The following XPR1 variants were observed in gnomAD, a reference collection of about 807,000 sequenced individuals.
XPR1 encodes solute carrier family 53 member 1.
XPR1 carries 28 observed loss-of-function variants against 87.5 expected under a neutral mutation model. That is an observed-to-expected ratio of 0.32 (90% confidence interval 0.24 to 0.44). The LOEUF is 0.44. XPR1 is among the 20% of genes least tolerant of loss of function. The pLI, the probability that XPR1 is intolerant of heterozygous loss-of-function variation, is 1.00. For missense variants in XPR1, 559 were observed against 862.3 expected (o/e 0.65, Z 4.41); for synonymous variants, 300 against 306.1 (o/e 0.98, Z 0.21).
chr1:180,778,735 C>T (rs904516581), intron 2 of XPR1, among the ~76,000 whole-genome samples: 2 of 152,154 alleles, frequency 1.3e-5, no homozygotes, highest in African/African-American at 4.8e-5. Flanking sequence ...TCAGTTTGAT[C>T]GTGCTTTATA....
chr1:180,637,050 C>CAAAAAAAAAA (rs34479247), intron 1 of XPR1, among the ~76,000 whole-genome samples: 1 of 81,566 alleles, frequency 1.2e-5, no homozygotes, highest in Non-Finnish European at 2.3e-5. Context: ...GACTTCATCT[C>CAAAAAAAAAA]AAAAAAAAAA....
At chr1:180,874,640 A>C (rs1479349775) in intron 13 of XPR1, among the ~76,000 whole-genome samples, 1 of 152,158 alleles carries the variant, frequency 6.6e-6, no homozygotes, top group African/African-American at 2.4e-5. Context: ...CAGTGAGCCA[A>C]GACTGCACTG....
intron 2 of XPR1, among the ~76,000 whole-genome samples, chr1:180,771,628 A>G (rs1267224318): frequency 6.6e-6 from 1 of 152,112 alleles, no homozygotes; most frequent in Non-Finnish European, 1.5e-5. Context: ...ACACTTCCTT[A>G]GTCATGACTT....
At chr1:180,633,679 T>A (rs932984071) in intron 1 of XPR1, among the ~76,000 whole-genome samples, 1 of 152,236 alleles carries the variant, frequency 6.6e-6, no homozygotes. Context: ...TTTGTGGCCA[T>A]GTTTTGTAAG....
At chr1:180,644,012 G>A (rs1655034185) in intron 1 of XPR1, among the ~76,000 whole-genome samples, 2 of 152,104 alleles carry the variant, frequency 1.3e-5, no homozygotes, top group Non-Finnish European at 2.9e-5. Flanking sequence ...GATGGGGCTT[G>A]GGCAATAGTA....
chr1:180,669,150 T>C (rs561260612), intron 1 of XPR1, among the ~76,000 whole-genome samples: 1 of 152,068 alleles, frequency 6.6e-6, no homozygotes, highest in African/African-American at 2.4e-5. Flanking sequence ...TAATCTATCC[T>C]GGAAAATGTA....
intron 1 of XPR1, among the ~76,000 whole-genome samples, chr1:180,645,837 A>G (rs1489612596): frequency 6.6e-6 from 1 of 152,146 alleles, no homozygotes; most frequent in African/African-American, 2.4e-5. Context: ...TTTGGAAGTG[A>G]CCTCTTTGAC....
chr1:180,858,598 A>G (rs1652114427), intron 11 of XPR1, among the ~76,000 whole-genome samples: 1 of 152,182 alleles, frequency 6.6e-6, no homozygotes, highest in South Asian at 2.1e-4. Flanking sequence ...AGGCCCTATG[A>G]GTTCCTTTTT....
At position 180,704,245 on chromosome 1, in the gene XPR1, GATAT is replaced by G. The variant is rs35751561; in HGVS notation, c.121+21863_121+21866del. Among the ~76,000 whole-genome samples the G allele has an allele frequency of 6.0e-3, 394 of 66,022 alleles. 8 individuals carry two copies. The highest frequency in any genetic ancestry group is 0.018 in the African/African-American group (311 of 17,746). 43.3% of individuals were successfully genotyped at this position (66,022 alleles called of 152,430 possible). A position where few individuals can be genotyped will look rare whatever the true frequency, so the allele number is the denominator to read the frequency against. ...TTTCTCAAGAACACTATAGGTGCTG[GATAT>G]ATATATATATATATATATATATATA... is the stretch of plus-strand genomic sequence containing the variant. On this transcript the variant is annotated intron_variant, in intron 2 of 14. Coordinates refer to ENST00000367590, the MANE Select transcript of XPR1 (RefSeq NM_004736.4).
intron 7 of XPR1, 130 bp downstream of exon 7, chr1:180,811,618 T>G (rs1650215949): frequency 4.2e-6 from 3 of 706,604 alleles, no homozygotes; most frequent in Non-Finnish European, 6.6e-6. Flanking sequence ...GCTAAGTTTT[T>G]TGTCCTTATA....
At chr1:180,826,637 A>G (rs914707461) in intron 9 of XPR1, among the ~76,000 whole-genome samples, 1 of 152,210 alleles carries the variant, frequency 6.6e-6, no homozygotes, top group African/African-American at 2.4e-5. Flanking sequence ...AATTACAGCT[A>G]ACAATAAAGA....
At chr1:180,830,573 A>G (rs1176395415) in intron 9 of XPR1, among the ~76,000 whole-genome samples, 3 of 152,186 alleles carry the variant, frequency 2.0e-5, no homozygotes, top group African/African-American at 7.2e-5. Context: ...CCCAAGTAGA[A>G]TATGTCTATG....
intron 2 of XPR1, among the ~76,000 whole-genome samples, chr1:180,764,455 T>C (rs28860229): frequency 0.044 from 6,650 of 151,862 alleles, 504 homozygotes; most frequent in African/African-American, 0.15. Flanking sequence ...GTTAAAACTT[T>C]CTTGTTATTT....
chr1:180,647,284 A>G (rs76183285), intron 1 of XPR1, among the ~76,000 whole-genome samples: 5,809 of 152,324 alleles, frequency 0.038, 225 homozygotes, highest in Admixed American at 0.12. Context: ...CCTGCTTTAC[A>G]CTACTGTAGA....
chr1:180,662,575 G>A (rs970400199), intron 1 of XPR1, among the ~76,000 whole-genome samples: 2 of 152,116 alleles, frequency 1.3e-5, no homozygotes, highest in African/African-American at 4.8e-5. Flanking sequence ...TGACCTTTGG[G>A]AGTTTAATTA....
intron 2 of XPR1, among the ~76,000 whole-genome samples, chr1:180,712,033 C>T (rs1242708779): frequency 2.0e-5 from 3 of 152,168 alleles, no homozygotes; most frequent in Admixed American, 6.5e-5. Context: ...CCAAGACCCC[C>T]AGTGGATGCC....
At chr1:180,835,081 C>G in intron 10 of XPR1, 36 bp downstream of exon 10, 1 of 1,598,204 alleles carries the variant, frequency 6.3e-7, no homozygotes, top group South Asian at 1.1e-5. Context: ...TACTAAATCG[C>G]TGGTGTAAAC....
chr1:180,788,700 A>C (rs1462461702), intron 3 of XPR1, among the ~76,000 whole-genome samples: 1 of 151,924 alleles, frequency 6.6e-6, no homozygotes, highest in Non-Finnish European at 1.5e-5. Flanking sequence ...AATATCCAAA[A>C]TATAAAATTA....
intron 3 of XPR1, among the ~76,000 whole-genome samples, chr1:180,789,012 CT>C (rs1399655314): frequency 6.6e-6 from 1 of 152,120 alleles, no homozygotes; most frequent in African/African-American, 2.4e-5. Flanking sequence ...GCTGATCATT[CT>C]CTTTTATAGA....
Sources: gnomAD v4.1 joint callset for allele counts (sites outside exome capture counted in the v4.1 genomes callset) on GRCh38, gnomAD v4.1.1 for gene constraint, MANE v1.5 for transcripts, NCBI Gene and HGNC (gene_info 2026-07-23, HGNC 2026-07-21) for gene names.